JAKMIP2: variants seen among roughly 807,000 people sequenced by gnomAD.
JAKMIP2 encodes janus kinase and microtubule-interacting protein 2.
Under a neutral mutation model 115.0 loss-of-function variants are expected in JAKMIP2, and 25 were observed. The ratio of observed to expected loss-of-function variants is 0.22; its 90% CI spans 0.16 to 0.30. The LOEUF is 0.30. Among genes scored for constraint, JAKMIP2 ranks in the 10% least tolerant of loss-of-function variants. The pLI, the probability that JAKMIP2 is intolerant of heterozygous loss-of-function variation, is 1.00. For synonymous variants in JAKMIP2, 334 were observed against 343.6 expected, an observed-to-expected ratio of 0.97 and a Z score of 0.31; for missense variants, 642 against 957.6, an observed-to-expected ratio of 0.67 and a Z score of 4.35.
At chr5:147,723,051 A>G (rs111301417) in intron 1 of JAKMIP2, among the ~76,000 whole-genome samples, 3 of 152,272 alleles carry the variant, frequency 2.0e-5, no homozygotes, top group African/African-American at 7.2e-5. Flanking sequence ...TCAACACTGT[A>G]TTGCAACTAA....
intron 12 of JAKMIP2, among the ~76,000 whole-genome samples, chr5:147,633,694 A>ATTTT (rs746793113): frequency 7.5e-6 from 1 of 133,748 alleles, no homozygotes; most frequent in African/African-American, 2.8e-5. Flanking sequence ...TTATCTTTGG[A>ATTTT]TTTTTTTTTT....
chr5:147,723,722 C>A (rs1291939451), intron 1 of JAKMIP2, among the ~76,000 whole-genome samples: 6 of 152,134 alleles, frequency 3.9e-5, no homozygotes, highest in Admixed American at 6.5e-5. Flanking sequence ...GTCTGTATAA[C>A]CATTATTAGA....
At chr5:147,652,114 A>G (rs1192029649) in intron 3 of JAKMIP2, among the ~76,000 whole-genome samples, 1 of 152,104 alleles carries the variant, frequency 6.6e-6, no homozygotes, top group Non-Finnish European at 1.5e-5. Flanking sequence ...AGGGTACTAT[A>G]CTCAGAGCTT....
chr5:147,701,828 T>A (rs1324326822), intron 1 of JAKMIP2, among the ~76,000 whole-genome samples: 1 of 152,170 alleles, frequency 6.6e-6, no homozygotes, highest in East Asian at 1.9e-4. Context: ...CCTGGACTTA[T>A]CAGCCTCAAA....
chr5:147,672,935 C>T lies in JAKMIP2; in HGVS notation c.-148-981G>A, dbSNP rs139852328. ...AAGGTTTCCTGGAAAGGATAGATGGCGGGGAGGCCTAGAATTCCAAGCTTA... is the reference window on the plus strand; with the variant it reads ...AAGGTTTCCTGGAAAGGATAGATGGTGGGGAGGCCTAGAATTCCAAGCTTA... On this transcript the variant is annotated intron_variant, in intron 1 of 21. Transcript: ENST00000616793. Among the ~76,000 whole-genome samples, 26 of 152,190 alleles carry T rather than the reference C, an allele frequency of 1.7e-4. No homozygotes were observed. In the East Asian group the frequency reaches 2.7e-3, roughly 16 times the overall value.
At chr5:147,748,415 T>C (rs766333269) in intron 1 of JAKMIP2, among the ~76,000 whole-genome samples, 26 of 152,150 alleles carry the variant, frequency 1.7e-4, no homozygotes, top group Non-Finnish European at 3.5e-4. Context: ...AGGAAATTAT[T>C]TAGGTAGATA....
chr5:147,652,982 T>A (rs962369585), intron 3 of JAKMIP2, among the ~76,000 whole-genome samples: 1 of 152,132 alleles, frequency 6.6e-6, no homozygotes, highest in Non-Finnish European at 1.5e-5. Context: ...CCTGTGTTAG[T>A]TTGCTGAGGA....
chr5:147,595,239 T>C (rs1755308144), intron 21 of JAKMIP2, among the ~76,000 whole-genome samples: 1 of 152,186 alleles, frequency 6.6e-6, no homozygotes, highest in South Asian at 2.1e-4. Flanking sequence ...ATTTTGAATG[T>C]TTTTGTCCCC....
intron 1 of JAKMIP2, among the ~76,000 whole-genome samples, chr5:147,731,435 T>G (rs116651379): frequency 2.0e-5 from 3 of 152,336 alleles, no homozygotes; most frequent in African/African-American, 4.8e-5. Flanking sequence ...CTCTTACTTC[T>G]GAAGCCTTGG....
At chr5:147,667,788 A>C (rs1431944596) in intron 2 of JAKMIP2, among the ~76,000 whole-genome samples, 3 of 152,196 alleles carry the variant, frequency 2.0e-5, no homozygotes, top group South Asian at 4.1e-4. Context: ...AGATAGGAAA[A>C]TATACCCCAT....
At chr5:147,671,337 ATAGAGGGC>A (rs1186967027) in intron 2 of JAKMIP2, among the ~76,000 whole-genome samples, 1 of 152,200 alleles carries the variant, frequency 6.6e-6, no homozygotes, top group Non-Finnish European at 1.5e-5. Context: ...TTAATAACCT[ATAGAGGGC>A]AAGAGTGGAA....
At chr5:147,604,452 T>C (rs186822103) in intron 20 of JAKMIP2, among the ~76,000 whole-genome samples, 231 of 152,290 alleles carry the variant, frequency 1.5e-3, no homozygotes, top group Non-Finnish European at 1.6e-3. Flanking sequence ...TGAAGTTATT[T>C]ACTTAAGGTC....
intron 1 of JAKMIP2, among the ~76,000 whole-genome samples, chr5:147,719,931 T>C (rs1753192517): frequency 6.6e-6 from 1 of 152,188 alleles, no homozygotes; most frequent in Admixed American, 6.5e-5. Flanking sequence ...TTGATGCAGT[T>C]TCTTCTGAGT....
chr5:147,624,975 T>TTTA (rs1229061493), intron 16 of JAKMIP2, among the ~76,000 whole-genome samples: 1 of 151,960 alleles, frequency 6.6e-6, no homozygotes, highest in Non-Finnish European at 1.5e-5. Context: ...TATTTATTTA[T>TTTA]TTATTTATTT....
At chr5:147,719,831 G>A (rs571906277) in intron 1 of JAKMIP2, among the ~76,000 whole-genome samples, 5 of 151,832 alleles carry the variant, frequency 3.3e-5, no homozygotes, top group East Asian at 1.9e-4. Context: ...TTTAATTGGA[G>A]CATTTAGTCC....
chr5:147,775,102 A>G (rs1016309933), intron 1 of JAKMIP2, among the ~76,000 whole-genome samples: 1 of 152,160 alleles, frequency 6.6e-6, no homozygotes, highest in Non-Finnish European at 1.5e-5. Context: ...TTTTCCTCAT[A>G]CTTAAGTTAC....
chr5:147,640,863 C>T (rs1757848816), intron 8 of JAKMIP2, 40 bp from the exon 9 acceptor site: 5 of 1,594,452 alleles, frequency 3.1e-6, no homozygotes, highest in East Asian at 4.5e-5. Context: ...ACATAGCTAA[C>T]AGTAGGGAAA....
intron 16 of JAKMIP2, among the ~76,000 whole-genome samples, chr5:147,624,227 A>G (rs772020647): frequency 3.0e-4 from 46 of 152,156 alleles, no homozygotes; most frequent in Admixed American, 2.4e-3. Flanking sequence ...ATGACTAGCA[A>G]GTGTCAGGTG....
At chr5:147,779,163 G>T (rs931481865) in intron 1 of JAKMIP2, among the ~76,000 whole-genome samples, 2 of 152,104 alleles carry the variant, frequency 1.3e-5, no homozygotes, top group African/African-American at 4.8e-5. Flanking sequence ...TCCTGAAGCG[G>T]ACTTGTAGCA....
Sources: allele counts gnomAD v4.1 joint callset (sites outside exome capture counted in the v4.1 genomes callset), GRCh38; gene constraint gnomAD v4.1.1; transcripts MANE v1.5; gene names NCBI Gene and HGNC (gene_info 2026-07-23, HGNC 2026-07-21).